SFRP4: variants seen among roughly 807,000 people sequenced by gnomAD.
SFRP4 encodes secreted frizzled-related protein 4.
Under a neutral mutation model 36.3 loss-of-function variants are expected in SFRP4, and 25 were observed. The observed-to-expected ratio is 0.69, with a 90% CI of 0.50 to 0.96. The LOEUF (loss-of-function observed/expected upper bound fraction) is 0.96, where lower values mean the gene tolerates loss of function less well. Among genes scored for constraint, SFRP4 ranks in the 40% least tolerant of loss-of-function variants. SFRP4 has a pLI of 0.00. For missense variants in SFRP4, 487 were observed against 459.6 expected (o/e 1.06, Z -0.54); for synonymous variants, 182 against 168.8 (o/e 1.08, Z -0.60).
intron 5 of SFRP4, among the ~76,000 whole-genome samples, chr7:37,909,097 T>C (rs1190787487): frequency 6.6e-6 from 1 of 152,182 alleles, no homozygotes; most frequent in Non-Finnish European, 1.5e-5. Context: ...CTAATTGAAT[T>C]ACCAATATTT....
chr7:37,915,926 A>G (rs1020298155), intron 1 of SFRP4, among the ~76,000 whole-genome samples, 167 bp downstream of exon 1: 1 of 151,624 alleles, frequency 6.6e-6, no homozygotes, highest in Admixed American at 6.6e-5. Context: ...TAAAATTCCT[A>G]TGGGAGAAAC....
intron 1 of SFRP4, 38 bp from the exon 2 acceptor site, chr7:37,914,491 A>G: frequency 1.3e-6 from 2 of 1,495,882 alleles, no homozygotes; most frequent in Non-Finnish European, 1.9e-6. Context: ...GTGGTTGGTG[A>G]TTTGGTCTGT....
At chr7:37,912,642 G>T (rs898791071) in intron 3 of SFRP4, among the ~76,000 whole-genome samples, 1 of 152,230 alleles carries the variant, frequency 6.6e-6, no homozygotes, top group Non-Finnish European at 1.5e-5. Flanking sequence ...GTGGTGATTT[G>T]AAGTGGGGAT....
At chr7:37,908,054 T>G (rs943127111) in intron 5 of SFRP4, among the ~76,000 whole-genome samples, 5 of 152,160 alleles carry the variant, frequency 3.3e-5, no homozygotes, top group Admixed American at 2.0e-4. Context: ...AATGCAACAT[T>G]CCTACAGTGC....
chr7:37,912,125 C>T lies in SFRP4; in HGVS notation c.785G>A (p.Arg262His), dbSNP rs748182253. Residue 262 changes from arginine to histidine, a missense_variant, in exon 4 of 6, where the codon CGC (arginine) becomes CAC (histidine). Arg to His is a conservative substitution (Grantham distance 29). Transcript: ENST00000436072. ...QDVLIMCYEW[R>H]SRMMLLENCL... ...TCTGCCTCTTTGTGCCTACCTTGAG[C>T]GCCACTCGTAACACATGATGAGAAC... 9.9e-6 allele frequency: 16 copies of T among 1,613,302 alleles called. No individual in the cohort carries two copies. The highest frequency in any genetic ancestry group is 3.3e-4 in the Middle Eastern group (2 of 6,078).
At chr7:37,913,054 G>A (rs190092504) in intron 3 of SFRP4, among the ~76,000 whole-genome samples, 103 of 152,210 alleles carry the variant, frequency 6.8e-4, no homozygotes, top group African/African-American at 2.4e-3. Flanking sequence ...GTCGTTCAAA[G>A]GCCATAACAC....
Position 37,916,523 on chromosome 7 carries a change from G to A in SFRP4, c.15C>T (p.Ile5=), listed in dbSNP as rs772529430. MFLS[I]LVALCLWLHL... is the part of the protein sequence containing the mutation. The stretch of plus-strand genomic sequence containing the variant: ...GCAGCCACAGGCACAGCGCCACTAG[G>A]ATGGAGAGGAACATGGCACTGCCCT... Residue 5 remains isoleucine (I), a synonymous_variant, in exon 1 of 6, where the codon ATC becomes ATT. Coordinates refer to ENST00000436072, the MANE Select transcript of SFRP4 (RefSeq NM_003014.4). The surrounding 1 kb of genome is among the most constrained non-coding windows in gnomAD (Gnocchi z 4.1). The A allele has an allele frequency of 4.4e-6, 7 of 1,608,966 alleles. No homozygotes were observed. The African/African-American group carries it at 5.3e-5, about 12-fold the overall frequency.
chr7:37,908,335 A>C (rs1282133563), intron 5 of SFRP4, among the ~76,000 whole-genome samples: 1 of 152,184 alleles, frequency 6.6e-6, no homozygotes, highest in Non-Finnish European at 1.5e-5. Flanking sequence ...TTGAATTGAC[A>C]TTGCTTTATA....
chr7:37,914,108 GTTTTC>G, intron 3 of SFRP4, 100 bp downstream of exon 3: 1 of 853,618 alleles, frequency 1.2e-6, no homozygotes, highest in Non-Finnish European at 1.9e-6. Context: ...TCAACCTTTT[GTTTTC>G]TTTACTTTGT....
Position 37,906,824 on chromosome 7 carries a change from CTTTA to C in SFRP4, c.*651_*654del, listed in dbSNP as rs1255098709. The C allele has an allele frequency of 3.9e-5, 6 of 152,070 alleles. No homozygotes were observed. The East Asian group carries it at 1.2e-3, about 29-fold the overall frequency. 9.4% of individuals were successfully genotyped at this position (152,070 alleles called of 1,614,324 possible). On this transcript the variant is annotated 3_prime_UTR_variant, in exon 6 of 6. Transcript: ENST00000436072. ...CTGCCTCTCCTTTTTATTTATTTTT[CTTTA>C]TTATTATTTTTGTTTTTAGAGTTTC...
chr7:37,910,449 A>G (rs1168762401), intron 4 of SFRP4, among the ~76,000 whole-genome samples: 1 of 151,852 alleles, frequency 6.6e-6, no homozygotes, highest in Non-Finnish European at 1.5e-5. Context: ...CTTTTCAAGT[A>G]TGTTTCTCAA....
rs1239793031 is a variant in SFRP4, at chr7:37,907,493, G to A, written c.1027C>T (p.Pro343Ser). 8.1e-6 allele frequency: 13 copies of A among 1,613,146 alleles called. No individual in the cohort carries two copies. Among genetic ancestry groups the A allele is most frequent in the Non-Finnish European group, 1.1e-5 (13 of 1,179,682 alleles). Residue 343 changes from proline to serine, a missense_variant, in exon 6 of 6, where the codon CCG becomes TCG. Transcript: ENST00000436072. ...KTRSAQKRTN[P>S]KRV ...AACTAGTTAGCTCACACTCTTTTCG[G>A]GTTTGTTCTCTTCTGGGCACTCCTA...
rs749822763 is a variant in SFRP4, at chr7:37,907,477, G to A, written c.*2C>T. 8.7e-6 allele frequency: 14 copies of A among 1,611,650 alleles called. No individual in the cohort carries two copies. The highest frequency in any genetic ancestry group is 1.2e-5 in the Non-Finnish European group (14 of 1,178,874). ...AAGTCTCCGCTTTGGAAACTAGTTAGCTCACACTCTTTTCGGGTTTGTTCT... is the reference window on the plus strand; with the variant it reads ...AAGTCTCCGCTTTGGAAACTAGTTAACTCACACTCTTTTCGGGTTTGTTCT... On this transcript the variant is annotated 3_prime_UTR_variant, in exon 6 of 6. Coordinates refer to ENST00000436072, the MANE Select transcript of SFRP4 (RefSeq NM_003014.4).
chr7:37,914,635 A>C, intron 1 of SFRP4, among the ~76,000 whole-genome samples, 182 bp from the exon 2 acceptor site: 1 of 152,172 alleles, frequency 6.6e-6, no homozygotes, highest in East Asian at 1.9e-4. Context: ...GAAGCCAAGG[A>C]GGGCAGATCA....
At position 37,914,271 on chromosome 7, in the gene SFRP4, G is replaced by T; in HGVS notation, c.534C>A (p.Cys178Ter). 1 of 1,614,032 alleles carries T rather than the reference G, an allele frequency of 6.2e-7. No homozygotes were observed. Among genetic ancestry groups the T allele is most frequent in the Non-Finnish European group, 8.5e-7 (1 of 1,179,928 alleles). Residue 178 changes from cysteine (C) to a stop codon, truncating the protein, a stop_gained, in exon 3 of 6, where the codon TGC becomes TGA. Transcript: ENST00000436072. LOFTEE classifies it high-confidence loss of function. ...VDCKRLSPDR[C>*]KCKKVKPTLA... Reference sequence around the variant, plus strand: ...AAGTTGGCTTCACCTTTTTACACTTGCACCGATCTAAAAAAGGCAGAAGAG... The same window carrying T: ...AAGTTGGCTTCACCTTTTTACACTTTCACCGATCTAAAAAAGGCAGAAGAG...
At chr7:37,909,449 A>G (rs1236765135) in intron 5 of SFRP4, among the ~76,000 whole-genome samples, 168 bp downstream of exon 5, 1 of 152,150 alleles carries the variant, frequency 6.6e-6, no homozygotes, top group Non-Finnish European at 1.5e-5. Context: ...AAAAATTCTG[A>G]GTGAGAATAG....
chr7:37,912,368 T>C (rs1242694442), intron 3 of SFRP4, 51 bp from the exon 4 acceptor site: 4 of 1,455,204 alleles, frequency 2.7e-6, no homozygotes, highest in African/African-American at 2.8e-5. Context: ...GGGGAAAAAC[T>C]AGGGATGGTG....
Position 37,909,618 on chromosome 7 carries a change from A to G in SFRP4, c.854T>C (p.Ile285Thr). The G allele has an allele frequency of 1.2e-5, 19 of 1,551,986 alleles. No homozygotes were observed. The highest frequency in any genetic ancestry group is 1.7e-5 in the Non-Finnish European group (19 of 1,141,640). Residue 285 changes from isoleucine (I) to threonine (T), a missense_variant and splice_region_variant, in exon 5 of 6, where the codon ATA becomes ACA. Ile to Thr is a moderately conservative substitution (Grantham distance 89). Coordinates refer to ENST00000436072, the MANE Select transcript of SFRP4 (RefSeq NM_003014.4). ...KWRDQLSKRS[I>T]QWEERLQEQR... The stretch of plus-strand genomic sequence containing the variant: ...CACAGCATTGTTCATGATACTTACT[A>G]TGGATCTTTTACTAAGCTGATCTCT...
At chr7:37,911,973 G>A in intron 4 of SFRP4, 146 bp downstream of exon 4, 1 of 490,054 alleles carries the variant, frequency 2.0e-6, no homozygotes, top group Admixed American at 3.6e-5. Flanking sequence ...TAGAATATAT[G>A]CTATTCAAAC....
Sources: allele counts gnomAD v4.1 joint callset (sites outside exome capture counted in the v4.1 genomes callset), GRCh38; gene constraint gnomAD v4.1.1; non-coding constraint Gnocchi (gnomAD v3.1); transcripts MANE v1.5; gene names NCBI Gene and HGNC (gene_info 2026-07-23, HGNC 2026-07-21).